AAAS: variants seen among roughly 807,000 people sequenced by gnomAD.
AAAS encodes the protein aladin.
In AAAS, 60 loss-of-function variants were observed where a neutral mutation model predicts 75.6. The ratio of observed to expected loss-of-function variants is 0.79; its 90% CI spans 0.64 to 0.98. AAAS has a LOEUF of 0.98. Ranked by LOEUF, AAAS falls within the 50% of genes least tolerant of loss-of-function variation. The pLI is 0.00. For synonymous variants in AAAS, 271 were observed against 265.0 expected (o/e 1.02, Z -0.22); for missense variants, 658 against 686.9 (o/e 0.96, Z 0.47).
At position 53,312,351 on chromosome 12, in the gene AAAS, G is replaced by A. The variant is rs555470086; in HGVS notation, c.689+1947C>T. Among the ~76,000 whole-genome samples the A allele has an allele frequency of 5.3e-5, 8 of 152,168 alleles. No individual in the cohort carries two copies. In the South Asian group the frequency reaches 8.3e-4, roughly 16 times the overall value. ...AGCACTTTGGGAAGCCAAGGCGGGC[G>A]GATCACAAGGTCAGGAGTTCAAGAC... On this transcript the variant is annotated intron_variant, in intron 7 of 15. Transcript: ENST00000209873.
At chr12:53,313,030 G>C (rs1944414288) in intron 7 of AAAS, among the ~76,000 whole-genome samples, 1 of 149,566 alleles carries the variant, frequency 6.7e-6, no homozygotes, top group Admixed American at 6.7e-5. Flanking sequence ...CTGATTTTTT[G>C]TATTTTTAGT....
intron 2 of AAAS, among the ~76,000 whole-genome samples, chr12:53,319,053 T>C (rs1259471387): frequency 3.3e-5 from 5 of 152,200 alleles, no homozygotes; most frequent in Non-Finnish European, 5.9e-5. Flanking sequence ...ACACTGCTGG[T>C]GGGACCATAT....
At position 53,315,788 on chromosome 12, in the gene AAAS, A is replaced by T; in HGVS notation, c.252-6T>A. ...CAAAAAGGCCCACATCACGCCTGAT[A>T]AGGGAGGAAAATGTGGGTCAGCTTA... On this transcript the variant is annotated splice_polypyrimidine_tract_variant and splice_region_variant and intron_variant, in intron 2 of 15. Coordinates refer to ENST00000209873, the MANE Select transcript of AAAS (RefSeq NM_015665.6). 6.2e-7 allele frequency: 1 copy of T among 1,613,566 alleles called. No homozygotes were observed. Among genetic ancestry groups the T allele is most frequent in the Non-Finnish European group, 8.5e-7 (1 of 1,179,770 alleles).
rs1944345816 is a variant in AAAS, at chr12:53,309,171, A to G, written c.921T>C (p.Pro307=). 1.2e-6 allele frequency: 2 copies of G among 1,614,156 alleles called. No individual in the cohort carries two copies. The highest frequency in any genetic ancestry group is 1.7e-6 in the Non-Finnish European group (2 of 1,180,032). Residue 307 remains proline, a synonymous_variant, in exon 9 of 16, where the codon CCT becomes CCC. Transcript: ENST00000209873. ...PDGSKILATT[P]SAVFRVWEAQ... Reference sequence around the variant, plus strand: ...GTCCCACTCACCGAAAGACAGCTGAAGGAGTGGTAGCCAGGATTTTGCTGC... The same window carrying G: ...GTCCCACTCACCGAAAGACAGCTGAGGGAGTGGTAGCCAGGATTTTGCTGC...
At chr12:53,315,196 A>C (rs779944144) in intron 4 of AAAS, 56 bp from the exon 5 acceptor site, 15 of 1,605,228 alleles carry the variant, frequency 9.3e-6, no homozygotes, top group Non-Finnish European at 1.3e-5. Context: ...CCATCTCCTC[A>C]ATATTCCAAC....
rs1944558117 is a variant in AAAS, at chr12:53,321,524, G to A, written c.-59C>T. ...ACTCCTGGCCGGAACGGCACAGACC[G>A]CACTCCCGCAACTCGGTTCCCGGGC... is the stretch of plus-strand genomic sequence containing the variant. On this transcript the variant is annotated 5_prime_UTR_variant, in exon 1 of 16. Coordinates refer to ENST00000209873, the MANE Select transcript of AAAS (RefSeq NM_015665.6). The A allele has an allele frequency of 2.5e-6, 4 of 1,610,540 alleles. No homozygotes were observed. The highest frequency in any genetic ancestry group is 1.7e-6 in the Non-Finnish European group (2 of 1,179,492).
intron 2 of AAAS, among the ~76,000 whole-genome samples, chr12:53,318,529 G>A (rs918141793): frequency 6.6e-6 from 1 of 152,082 alleles, no homozygotes; most frequent in African/African-American, 2.4e-5. Flanking sequence ...TGCATTTTTA[G>A]ATGAGAGAAC....
In AAAS at chr12:53,321,468, T is replaced by G. The variant is rs1944557058; in HGVS notation, c.-3A>C. ...GGGAACAACCCCAGAGAGCACATCT[T>G]GCCGGTTCGCAGGACGTCTGCAGTC... On this transcript the variant is annotated 5_prime_UTR_variant, in exon 1 of 16. Coordinates refer to ENST00000209873, the MANE Select transcript of AAAS (RefSeq NM_015665.6). The G allele has an allele frequency of 2.5e-6, 4 of 1,614,048 alleles. No homozygotes were observed. The highest frequency in any genetic ancestry group is 2.5e-6 in the Non-Finnish European group (3 of 1,179,992).
At chr12:53,317,325 A>C (rs1234216705) in intron 2 of AAAS, among the ~76,000 whole-genome samples, 5 of 152,090 alleles carry the variant, frequency 3.3e-5, no homozygotes, top group African/African-American at 1.2e-4. Flanking sequence ...TGGGAGGCTG[A>C]GGCGGGCGGA....
At chr12:53,318,241 T>TGTGTGTGTGTGC (rs903895069) in intron 2 of AAAS, among the ~76,000 whole-genome samples, 1 of 131,558 alleles carries the variant, frequency 7.6e-6, no homozygotes, top group Non-Finnish European at 1.6e-5. Flanking sequence ...TGTGTGTGTG[T>TGTGTGTGTGTGC]GTGCGTGTGT....
At chr12:53,317,512 G>A (rs10876427) in intron 2 of AAAS, among the ~76,000 whole-genome samples, 135,918 of 150,940 alleles carry the variant, frequency 0.9, 62,491 homozygotes, top group Non-Finnish European at 0.98. Flanking sequence ...AGCCGAGATC[G>A]TGCCACTGCA....
chr12:53,307,576 A>C lies in AAAS; in HGVS notation c.1554T>G (p.Phe518Leu), dbSNP rs1476957324. Residue 518 changes from phenylalanine to leucine, a missense_variant, in exon 16 of 16, where the codon TTT becomes TTG. Phe to Leu is a conservative substitution (Grantham distance 22, BLOSUM62 0). Transcript: ENST00000209873. Reference sequence around the variant, plus strand: ...GGGCAGAGGTTGGGGATGTCTCAGTAAAGAGGGGCAGGTCATGAATAGAGC... The same window carrying C: ...GGGCAGAGGTTGGGGATGTCTCAGTCAAGAGGGGCAGGTCATGAATAGAGC... ...GGGSIHDLPL[F>L]TETSPTSAPW... 18 of 1,614,060 alleles carry C rather than the reference A, an allele frequency of 1.1e-5. No individual in the cohort carries two copies. Among genetic ancestry groups the C allele is most frequent in the Non-Finnish European group, 1.5e-5 (18 of 1,180,018 alleles).
At chr12:53,308,210 G>A in intron 13 of AAAS, 72 bp downstream of exon 13, 3 of 1,611,916 alleles carry the variant, frequency 1.9e-6, no homozygotes, top group Admixed American at 3.3e-5. Context: ...GAGAACTCCA[G>A]GCCAGGGCAC....
At chr12:53,311,457 A>C (rs1218195141) in intron 7 of AAAS, among the ~76,000 whole-genome samples, 1 of 152,146 alleles carries the variant, frequency 6.6e-6, no homozygotes, top group East Asian at 1.9e-4. Flanking sequence ...AAACAAAAAA[A>C]ACCAACAACC....
intron 7 of AAAS, chr12:53,309,981 C>T: frequency 9.3e-6 from 5 of 537,802 alleles, no homozygotes; most frequent in South Asian, 4.1e-5. Context: ...AGTGCTTTCA[C>T]GAGATAGGCC....
intron 7 of AAAS, among the ~76,000 whole-genome samples, chr12:53,312,862 A>AT (rs34960645): frequency 0.014 from 1,913 of 135,228 alleles, 24 homozygotes; most frequent in South Asian, 0.044. Context: ...ATATATATAT[A>AT]TTTTTTTTTT....
At chr12:53,315,517 CCCCAGGTCCTTCTG>C (rs1944448998) in intron 3 of AAAS, 91 bp from the exon 4 acceptor site, 6 of 1,287,372 alleles carry the variant, frequency 4.7e-6, no homozygotes, top group Admixed American at 2.0e-5. Flanking sequence ...GACAGGCACT[CCCCAGGTCCTTCTG>C]CCCAGTAAGT....
chr12:53,319,637 C>T (rs188329614), intron 2 of AAAS, among the ~76,000 whole-genome samples: 26 of 151,790 alleles, frequency 1.7e-4, no homozygotes, highest in Admixed American at 1.5e-3. Flanking sequence ...AATCTCATCT[C>T]TACTAAAATA....
chr12:53,309,501 G>A, intron 8 of AAAS, 100 bp downstream of exon 8: 4 of 1,596,194 alleles, frequency 2.5e-6, no homozygotes, highest in Non-Finnish European at 3.4e-6. Flanking sequence ...AGACTGAATG[G>A]ACCAAGGTCC....
Sources: allele counts gnomAD v4.1 joint callset (sites outside exome capture counted in the v4.1 genomes callset), GRCh38; gene constraint gnomAD v4.1.1; transcripts MANE v1.5; gene names NCBI Gene and HGNC (gene_info 2026-07-23, HGNC 2026-07-21).